Variants in MPP7 observed in about 807,000 individuals in gnomAD.
MPP7 encodes MAGUK p55 scaffold protein 7.
Under a neutral mutation model 76.5 loss-of-function variants are expected in MPP7, and 60 were observed. That is an observed-to-expected ratio of 0.78 (90% CI 0.64 to 0.97). The LOEUF is 0.97. Ranked by LOEUF, MPP7 falls within the 50% of genes least tolerant of loss-of-function variation. The probability of loss-of-function intolerance (pLI) is 0.00; values close to 1 mark genes in which losing one functional copy is unlikely to be tolerated. For missense variants in MPP7, 641 were observed against 694.0 expected (o/e 0.92, Z 0.86); for synonymous variants, 237 against 244.5 (o/e 0.97, Z 0.29).
intron 2 of MPP7, among the ~76,000 whole-genome samples, chr10:28,212,900 CAGA>C (rs1838188142): frequency 1.3e-5 from 2 of 152,074 alleles, no homozygotes; most frequent in Admixed American, 6.6e-5. Context: ...AATGGGAAGA[CAGA>C]GGAGAGAGCA....
intron 2 of MPP7, among the ~76,000 whole-genome samples, chr10:28,319,243 A>G (rs1354260532): frequency 6.6e-6 from 1 of 152,204 alleles, no homozygotes; most frequent in Non-Finnish European, 1.5e-5. Flanking sequence ...ACTCACTGTC[A>G]TGAGAACAGC....
intron 2 of MPP7, among the ~76,000 whole-genome samples, chr10:28,233,391 T>C (rs914444990): frequency 3.9e-5 from 6 of 152,140 alleles, no homozygotes; most frequent in Non-Finnish European, 7.3e-5. Context: ...TTCTTTGCTT[T>C]GTCAGCTGAA....
intron 11 of MPP7, among the ~76,000 whole-genome samples, chr10:28,100,582 G>C (rs1050284739): frequency 6.6e-6 from 1 of 152,100 alleles, no homozygotes; most frequent in Admixed American, 6.5e-5. Flanking sequence ...TGCTAATTTT[G>C]TAGATAAAGG....
chr10:28,146,517 T>TGA (rs1564657472), intron 5 of MPP7, among the ~76,000 whole-genome samples: 78 of 151,818 alleles, frequency 5.1e-4, no homozygotes, highest in African/African-American at 1.8e-3. Context: ...TTCTCCTGCC[T>TGA]CAGCCTCCCG....
intron 12 of MPP7, among the ~76,000 whole-genome samples, chr10:28,081,717 A>C (rs535068356): frequency 6.6e-6 from 1 of 152,244 alleles, no homozygotes; most frequent in South Asian, 2.1e-4. Flanking sequence ...GTTTCAAAGC[A>C]AGTGTCACTT....
intron 6 of MPP7, among the ~76,000 whole-genome samples, chr10:28,131,302 C>T (rs1419358590): frequency 6.6e-6 from 1 of 152,190 alleles, no homozygotes; most frequent in Non-Finnish European, 1.5e-5. Flanking sequence ...ATCAACCATG[C>T]TTGGTACATG....
At chr10:28,238,998 T>C (rs561039872) in intron 1 of MPP7, among the ~76,000 whole-genome samples, 2 of 152,262 alleles carry the variant, frequency 1.3e-5, no homozygotes, top group South Asian at 2.1e-4. Context: ...GGAACACTGA[T>C]TGGATACGTG....
intron 12 of MPP7, among the ~76,000 whole-genome samples, chr10:28,071,808 A>G (rs968540129): frequency 2.6e-5 from 4 of 152,238 alleles, no homozygotes; most frequent in African/African-American, 9.6e-5. Context: ...AAAGAACAGG[A>G]AAACAAAAGC....
At chr10:28,250,567 T>G (rs1319519832) in intron 1 of MPP7, among the ~76,000 whole-genome samples, 4 of 152,194 alleles carry the variant, frequency 2.6e-5, no homozygotes, top group Non-Finnish European at 5.9e-5. Context: ...CAAAGATCCT[T>G]ACGTGATCAC....
chr10:28,155,955 GT>G (rs1836047810), intron 3 of MPP7, among the ~76,000 whole-genome samples: 1 of 152,036 alleles, frequency 6.6e-6, no homozygotes. Context: ...TCCAGCTATT[GT>G]TTTCCTTGCT....
chr10:28,079,770 A>G (rs1852672480), intron 12 of MPP7, among the ~76,000 whole-genome samples: 1 of 152,200 alleles, frequency 6.6e-6, no homozygotes, highest in Non-Finnish European at 1.5e-5. Flanking sequence ...AGCAATATGT[A>G]TTACTATTGT....
chr10:28,238,551 CT>C lies in MPP7; in HGVS notation c.37+16del, dbSNP rs768901015. On this transcript the variant is annotated intron_variant, in intron 2 of 16. Coordinates refer to ENST00000683449, the MANE Select transcript of MPP7 (RefSeq NM_001318170.2). ...AGCAAAGATGGAATGAGAACTGCCC[CT>C]CTTGGGGTCACATACCAGTGTCACT... The C allele has an allele frequency of 6.2e-7, 1 of 1,613,724 alleles. No homozygotes were observed. The highest frequency in any genetic ancestry group is 1.1e-5 in the South Asian group (1 of 91,072).
At chr10:28,316,466 A>C (rs1313468522) in intron 2 of MPP7, among the ~76,000 whole-genome samples, 11 of 137,452 alleles carry the variant, frequency 8.0e-5, no homozygotes, top group Admixed American at 7.0e-4. Flanking sequence ...AAAAAAAAAA[A>C]AAAAAACTAT....
At chr10:28,120,517 A>G (rs536418203) in intron 9 of MPP7, 77 bp downstream of exon 9, 70 of 1,517,822 alleles carry the variant, frequency 4.6e-5, no homozygotes, top group Non-Finnish European at 4.2e-5. Flanking sequence ...ATGTGTTGTG[A>G]CAAAGTGGAT....
intron 2 of MPP7, among the ~76,000 whole-genome samples, chr10:28,235,977 GA>G (rs1839061785): frequency 6.6e-6 from 1 of 152,176 alleles, no homozygotes; most frequent in South Asian, 2.1e-4. Context: ...ATGAATCACA[GA>G]GGAATGACCA....
chr10:28,320,832 G>GTTTTT lies in MPP7; in HGVS notation c.-132+9092_-132+9096dup, dbSNP rs5784052. 4.7e-3 allele frequency among the ~76,000 whole-genome samples: 700 copies of GTTTTT among 148,688 alleles called. 4 individuals carry two copies. The highest frequency in any genetic ancestry group is 0.015 in the African/African-American group (615 of 40,546). ...TTAAAACTAGTGCAGTTTTTTGTTTGTTTTTTTTTTGTTCCTCTGCAGTGG... is the reference window on the plus strand; with the variant it reads ...TTAAAACTAGTGCAGTTTTTTGTTTGTTTTTTTTTTTTTTTGTTCCTCTGCAGTGG... On this transcript the variant is annotated intron_variant, in intron 2 of 11. Coordinates refer to the MPP7 transcript ENST00000441595.
intron 3 of MPP7, among the ~76,000 whole-genome samples, chr10:28,161,891 A>G (rs1350228533): frequency 6.6e-6 from 1 of 152,184 alleles, no homozygotes; most frequent in Non-Finnish European, 1.5e-5. Context: ...CTTTTAAACA[A>G]TCTCTTGGTT....
chr10:28,326,459 G>A (rs536791364), intron 2 of MPP7, among the ~76,000 whole-genome samples: 5 of 152,220 alleles, frequency 3.3e-5, no homozygotes, highest in African/African-American at 9.6e-5. Context: ...TGTTGATAAG[G>A]CAAAGAAACT....
Position 28,069,864 on chromosome 10 carries a change from G to C in MPP7, c.1124-12C>G, listed in dbSNP as rs1852155211. 1 of 1,609,452 alleles carries C rather than the reference G, an allele frequency of 6.2e-7. No homozygotes were observed. Among genetic ancestry groups the C allele is most frequent in the African/African-American group, 1.3e-5 (1 of 74,686 alleles). On this transcript the variant is annotated splice_polypyrimidine_tract_variant and intron_variant, in intron 12 of 16. Transcript: ENST00000683449. ...TACTCCCACGGGACCTGAAAAACAG[G>C]GTAACAGAAATTCATTATTGGACAA...
Sources: gnomAD v4.1 joint callset for allele counts (sites outside exome capture counted in the v4.1 genomes callset) on GRCh38, gnomAD v4.1.1 for gene constraint, MANE v1.5 for transcripts, NCBI Gene and HGNC (gene_info 2026-07-23, HGNC 2026-07-21) for gene names.